AGTR1: variants seen among roughly 807,000 people sequenced by gnomAD.
The protein encoded by AGTR1 is type-1 angiotensin II receptor.
In AGTR1, 16 loss-of-function variants were observed where a neutral mutation model predicts 19.4. That is an observed-to-expected ratio of 0.82 (90% CI 0.56 to 1.25). AGTR1 has a LOEUF of 1.25. AGTR1 is among the 50% of genes most tolerant of loss of function. AGTR1 has a pLI of 0.00. For synonymous variants in AGTR1, 153 were observed against 154.9 expected, an observed-to-expected ratio of 0.99 and a Z score of 0.09; for missense variants, 373 against 431.9, an observed-to-expected ratio of 0.86 and a Z score of 1.21.
At chr3:148,715,879 A>G (rs35901556) in intron 2 of AGTR1, among the ~76,000 whole-genome samples, 2 of 152,198 alleles carry the variant, frequency 1.3e-5, no homozygotes, top group East Asian at 3.9e-4. Context: ...CTGTGACTAT[A>G]TTAATTAATT....
At chr3:148,737,574 C>CTT (rs1299666283) in intron 2 of AGTR1, among the ~76,000 whole-genome samples, 3 of 152,010 alleles carry the variant, frequency 2.0e-5, no homozygotes, top group Non-Finnish European at 2.9e-5. Flanking sequence ...CTTTATTCCC[C>CTT]TTGCATCCTG....
chr3:148,734,629 T>G (rs576730598), intron 2 of AGTR1, among the ~76,000 whole-genome samples: 11 of 152,296 alleles, frequency 7.2e-5, no homozygotes, highest in African/African-American at 2.6e-4. Flanking sequence ...CACTCAGAAA[T>G]AGCAGGGGTG....
chr3:148,729,186 G>C (rs1002324942), intron 2 of AGTR1, among the ~76,000 whole-genome samples: 1 of 152,182 alleles, frequency 6.6e-6, no homozygotes, highest in Admixed American at 6.5e-5. Context: ...CGTGCTGAAC[G>C]TGAAGGTGAG....
intron 1 of AGTR1, among the ~76,000 whole-genome samples, chr3:148,707,192 G>A (rs968104334): frequency 2.0e-5 from 3 of 151,708 alleles, no homozygotes; most frequent in Admixed American, 6.6e-5. Context: ...TAAAATAAAT[G>A]AAACAAAGAA....
chr3:148,741,617 G>A lies in AGTR1; in HGVS notation c.582G>A (p.Gly194=). ...YESQNSTLPI[G]LGLTKNILGF... ...CCCAAAATTCAACCCTCCCGATAGGGCTGGGCCTGACCAAAAATATACTGG... is the reference window on the plus strand; with the variant it reads ...CCCAAAATTCAACCCTCCCGATAGGACTGGGCCTGACCAAAAATATACTGG... Residue 194 remains glycine, a synonymous_variant, in exon 3 of 3, where the codon GGG becomes GGA. Coordinates refer to ENST00000349243, the MANE Select transcript of AGTR1 (RefSeq NM_000685.5). 2 of 1,614,064 alleles carry A rather than the reference G, an allele frequency of 1.2e-6. No homozygotes were observed. Among genetic ancestry groups the A allele is most frequent in the Non-Finnish European group, 1.7e-6 (2 of 1,179,992 alleles).
chr3:148,704,907 G>A (rs1475862602), intron 1 of AGTR1, among the ~76,000 whole-genome samples: 2 of 152,170 alleles, frequency 1.3e-5, no homozygotes, highest in East Asian at 3.9e-4. Context: ...ATCTAGAACT[G>A]TAGATATTCA....
At chr3:148,717,081 G>A (rs1284541645) in intron 2 of AGTR1, among the ~76,000 whole-genome samples, 2 of 152,094 alleles carry the variant, frequency 1.3e-5, no homozygotes, top group African/African-American at 4.8e-5. Context: ...GGGAGCAACT[G>A]GTGCCCAGTA....
rs772616879 is a variant in AGTR1 at position 148,741,610 on chromosome 3, C to T, written c.575C>T (p.Pro192Leu). The T allele has an allele frequency of 1.7e-5, 28 of 1,613,970 alleles. No individual in the cohort carries two copies. The highest frequency in any genetic ancestry group is 7.7e-5 in the South Asian group (7 of 91,070). ...TATGAGTCCCAAAATTCAACCCTCCCGATAGGGCTGGGCCTGACCAAAAAT... is the reference window on the plus strand; with the variant it reads ...TATGAGTCCCAAAATTCAACCCTCCTGATAGGGCTGGGCCTGACCAAAAAT... ...FHYESQNSTL[P>L]IGLGLTKNIL... Residue 192 changes from proline to leucine, a missense_variant, in exon 3 of 3, where the codon CCG becomes CTG. Pro to Leu is a moderately conservative substitution (Grantham distance 98). Transcript: ENST00000349243.
At chr3:148,699,903 C>T in intron 1 of AGTR1, among the ~76,000 whole-genome samples, 1 of 152,128 alleles carries the variant, frequency 6.6e-6, no homozygotes, top group East Asian at 1.9e-4. Context: ...ATCAACTCTT[C>T]CATCATCCAA....
chr3:148,739,117 G>T (rs1714731708), intron 2 of AGTR1, among the ~76,000 whole-genome samples: 1 of 152,196 alleles, frequency 6.6e-6, no homozygotes, highest in African/African-American at 2.4e-5. Flanking sequence ...CCAACATTTT[G>T]GGAGGCCAAG....
Position 148,725,597 on chromosome 3 carries a change from C to T in AGTR1, c.-47-15392C>T, listed in dbSNP as rs191689261. 2.1e-3 allele frequency among the ~76,000 whole-genome samples: 314 copies of T among 152,298 alleles called. 1 individual carries two copies. The highest frequency in any genetic ancestry group is 6.9e-3 in the African/African-American group (286 of 41,560). The stretch of plus-strand genomic sequence containing the variant: ...TCCTGGGTTCAAGCGATTCTCCTGC[C>T]TCAGACTCCCAAGTAGCTGGGATTA... On this transcript the variant is annotated intron_variant, in intron 2 of 2. Transcript: ENST00000349243.
At chr3:148,711,793 G>A (rs1712999667) in intron 2 of AGTR1, among the ~76,000 whole-genome samples, 2 of 152,100 alleles carry the variant, frequency 1.3e-5, no homozygotes, top group Non-Finnish European at 2.9e-5. Context: ...TTGTCCTCTA[G>A]GCTAGAGTGT....
intron 2 of AGTR1, among the ~76,000 whole-genome samples, chr3:148,729,580 C>T (rs528445157): frequency 1.4e-3 from 215 of 152,290 alleles, no homozygotes; most frequent in African/African-American, 4.9e-3. Context: ...CAGGAAGCAG[C>T]AGTCACCAGT....
intron 2 of AGTR1, among the ~76,000 whole-genome samples, chr3:148,719,155 A>T (rs1054571464): frequency 6.6e-6 from 1 of 152,214 alleles, no homozygotes; most frequent in African/African-American, 2.4e-5. Context: ...GGTTTTTTAA[A>T]ATAGGTAATA....
At chr3:148,699,339 T>A (rs972521318) in intron 1 of AGTR1, among the ~76,000 whole-genome samples, 2 of 152,190 alleles carry the variant, frequency 1.3e-5, no homozygotes, top group African/African-American at 2.4e-5. Context: ...TTATTTCACA[T>A]AGCATATGCT....
chr3:148,729,284 C>T (rs979791997), intron 2 of AGTR1, among the ~76,000 whole-genome samples: 2 of 152,140 alleles, frequency 1.3e-5, no homozygotes, highest in African/African-American at 4.8e-5. Flanking sequence ...TTCTCCTGTC[C>T]TTAAGGAGTT....
chr3:148,730,688 A>G (rs1162814951), intron 2 of AGTR1, among the ~76,000 whole-genome samples: 1 of 152,202 alleles, frequency 6.6e-6, no homozygotes, highest in African/African-American at 2.4e-5. Context: ...ATTAGTGTGT[A>G]TCAGAATTAC....
At chr3:148,710,891 A>G (rs1007874035) in intron 2 of AGTR1, among the ~76,000 whole-genome samples, 1 of 151,778 alleles carries the variant, frequency 6.6e-6, no homozygotes, top group Non-Finnish European at 1.5e-5. Context: ...TGAAACTGTG[A>G]CACCTCCCCC....
intron 1 of AGTR1, among the ~76,000 whole-genome samples, chr3:148,706,896 T>A (rs1276055939): frequency 6.6e-6 from 1 of 152,064 alleles, no homozygotes; most frequent in Non-Finnish European, 1.5e-5. Flanking sequence ...TTTATGAATA[T>A]CTATCAAAAA....
Sources: allele counts gnomAD v4.1 joint callset (sites outside exome capture counted in the v4.1 genomes callset), GRCh38; gene constraint gnomAD v4.1.1; transcripts MANE v1.5; gene names NCBI Gene and HGNC (gene_info 2026-07-23, HGNC 2026-07-21).